The following SPATA17 variants were observed in gnomAD, a reference collection of about 807,000 sequenced individuals.
SPATA17 encodes the protein spermatogenesis associated 17.
A neutral mutation model predicts 62.2 loss-of-function variants in SPATA17; 53 were observed. That is an observed-to-expected ratio of 0.85 (90% CI 0.68 to 1.07). SPATA17 has a LOEUF of 1.07. Among genes scored for constraint, SPATA17 ranks in the 50% least tolerant of loss-of-function variants. SPATA17 has a pLI of 0.00. For missense variants in SPATA17, 466 were observed against 425.5 expected (o/e 1.10, Z -0.84); for synonymous variants, 146 against 146.8 (o/e 0.99, Z 0.04).
chr1:217,725,161 A>G (rs1204816943), intron 5 of SPATA17, among the ~76,000 whole-genome samples: 1 of 152,166 alleles, frequency 6.6e-6, no homozygotes, highest in East Asian at 1.9e-4. Context: ...TGGCCTAAAA[A>G]ATTTTTAATG....
At chr1:217,706,053 G>T (rs956809823) in intron 5 of SPATA17, among the ~76,000 whole-genome samples, 1 of 152,214 alleles carries the variant, frequency 6.6e-6, no homozygotes, top group African/African-American at 2.4e-5. Flanking sequence ...TCTCTATTCA[G>T]TTCCATTGGC....
chr1:217,669,036 G>A lies in SPATA17; in HGVS notation c.244G>A (p.Ala82Thr), dbSNP rs771667508. 8.7e-6 allele frequency: 14 copies of A among 1,610,726 alleles called. No individual in the cohort carries two copies. The highest frequency in any genetic ancestry group is 1.2e-5 in the Non-Finnish European group (14 of 1,178,650). The change falls in exon 4 of 11, where the codon GCA (alanine) becomes ACA (threonine). Residue 82 changes from alanine (A) to threonine (T), a missense_variant. Transcript: ENST00000366933. ...ATCTTTTTTTCTTGATTCACAGGTA[G>A]CATATTATACTATGATGATGAATCT... ...RKQYQLTVQV[A>T]YYTMMMNLYN...
At chr1:217,859,664 C>T (rs1675858833) in intron 9 of SPATA17, among the ~76,000 whole-genome samples, 1 of 152,138 alleles carries the variant, frequency 6.6e-6, no homozygotes, top group Non-Finnish European at 1.5e-5. Context: ...ACCTTGGCCT[C>T]CTGAAGTGCT....
Position 217,782,254 on chromosome 1 carries a change from C to G in SPATA17, c.804C>G (p.Ile268Met), listed in dbSNP as rs200682823. Reference sequence around the variant, plus strand: ...CAACGTTGCGGGTGGCAGAACCAATCGATGAGTTAAAGTTGGCCAGAGAGG... The same window carrying G: ...CAACGTTGCGGGTGGCAGAACCAATGGATGAGTTAAAGTTGGCCAGAGAGG... ...LEPTLRVAEP[I>M]DELKLAREEL... Residue 268 changes from isoleucine to methionine, a missense_variant, in exon 8 of 11, where the codon ATC (isoleucine) becomes ATG (methionine). Physicochemically the swap from Ile to Met is conservative, Grantham distance 10. Transcript: ENST00000366933. 5.0e-6 allele frequency: 8 copies of G among 1,612,732 alleles called. No homozygotes were observed. In the Admixed American group the frequency reaches 1.3e-4, roughly 27 times the overall value.
chr1:217,710,907 T>C (rs1419336145), intron 5 of SPATA17, among the ~76,000 whole-genome samples: 4 of 152,188 alleles, frequency 2.6e-5, no homozygotes, highest in Non-Finnish European at 5.9e-5. Context: ...TCTGGACATT[T>C]CATATAAATT....
intron 5 of SPATA17, among the ~76,000 whole-genome samples, chr1:217,690,995 G>T (rs1671340918): frequency 6.8e-6 from 1 of 146,808 alleles, no homozygotes; most frequent in Non-Finnish European, 1.5e-5. Flanking sequence ...AGTCCTTTGG[G>T]TATACACCCA....
intron 8 of SPATA17, among the ~76,000 whole-genome samples, chr1:217,790,647 C>T (rs1232201433): frequency 6.6e-6 from 1 of 152,040 alleles, no homozygotes; most frequent in East Asian, 1.9e-4. Context: ...TCACCGTGGT[C>T]TCAATCTCCT....
chr1:217,708,727 C>CAA (rs776027409), intron 5 of SPATA17, among the ~76,000 whole-genome samples: 5 of 142,500 alleles, frequency 3.5e-5, no homozygotes, highest in Non-Finnish European at 6.2e-5. Flanking sequence ...GATGCAACAA[C>CAA]AAAAAAAAAA....
intron 5 of SPATA17, among the ~76,000 whole-genome samples, chr1:217,707,301 G>C (rs1671759066): frequency 1.3e-5 from 2 of 152,108 alleles, no homozygotes; most frequent in South Asian, 4.2e-4. Flanking sequence ...TGCTGAAGTT[G>C]TTATCAGGTC....
intron 4 of SPATA17, 67 bp from the exon 5 acceptor site, chr1:217,683,191 G>T: frequency 1.9e-6 from 2 of 1,079,272 alleles, no homozygotes; most frequent in South Asian, 1.6e-5. Flanking sequence ...CCTTAATTTT[G>T]AAGTGCTATT....
chr1:217,698,557 A>G (rs1281068331), intron 5 of SPATA17, among the ~76,000 whole-genome samples: 3 of 149,490 alleles, frequency 2.0e-5, no homozygotes, highest in Non-Finnish European at 3.0e-5. Context: ...CTTTGAGACA[A>G]TTGTAAATTC....
chr1:217,856,964 TA>T (rs555328990), intron 9 of SPATA17, among the ~76,000 whole-genome samples: 69 of 152,332 alleles, frequency 4.5e-4, no homozygotes, highest in African/African-American at 1.6e-3. Context: ...TATAAGGAAA[TA>T]TTTTTGATTA....
intron 9 of SPATA17, among the ~76,000 whole-genome samples, chr1:217,840,695 C>CA (rs1675374157): frequency 6.6e-6 from 1 of 151,856 alleles, no homozygotes; most frequent in African/African-American, 2.4e-5. Context: ...CCCATCTCTA[C>CA]AAAAAATACA....
chr1:217,660,048 G>A (rs1344672381), intron 3 of SPATA17, among the ~76,000 whole-genome samples: 1 of 152,086 alleles, frequency 6.6e-6, no homozygotes, highest in East Asian at 1.9e-4. Context: ...TCAACCACTT[G>A]CCATTGCCCA....
intron 9 of SPATA17, among the ~76,000 whole-genome samples, chr1:217,805,838 A>C (rs1308710240): frequency 6.6e-6 from 1 of 152,220 alleles, no homozygotes; most frequent in African/African-American, 2.4e-5. Context: ...GAAAGAATTT[A>C]ATATTGTTAA....
intron 1 of SPATA17, among the ~76,000 whole-genome samples, chr1:217,645,149 T>A (rs1670151057): frequency 6.6e-6 from 1 of 152,104 alleles, no homozygotes; most frequent in African/African-American, 2.4e-5. Context: ...TAACTACTAG[T>A]TAATTTTTAG....
At chr1:217,803,003 C>T (rs1455042997) in intron 9 of SPATA17, among the ~76,000 whole-genome samples, 1 of 152,166 alleles carries the variant, frequency 6.6e-6, no homozygotes, top group Non-Finnish European at 1.5e-5. Flanking sequence ...ACCTCCGCCC[C>T]TCAGATTCAA....
chr1:217,758,156 A>T (rs1390854721), intron 6 of SPATA17, among the ~76,000 whole-genome samples: 1 of 152,228 alleles, frequency 6.6e-6, no homozygotes, highest in Non-Finnish European at 1.5e-5. Context: ...AAGTACTCTT[A>T]TAAGTGCTTT....
intron 9 of SPATA17, among the ~76,000 whole-genome samples, chr1:217,859,395 G>C (rs1208489711): frequency 1.3e-5 from 2 of 150,778 alleles, no homozygotes; most frequent in Non-Finnish European, 2.9e-5. Context: ...TTTTTTAAGA[G>C]AAGGGGTCTT....
Sources: gnomAD v4.1 joint callset for allele counts (sites outside exome capture counted in the v4.1 genomes callset) on GRCh38, gnomAD v4.1.1 for gene constraint, MANE v1.5 for transcripts, NCBI Gene and HGNC (gene_info 2026-07-23, HGNC 2026-07-21) for gene names.